Variants in CHSY1 observed in about 807,000 individuals in gnomAD.
CHSY1 encodes the protein N-acetylgalactosaminyl-proteoglycan 3-beta-glucuronosyltransferase 1.
A neutral mutation model predicts 59.8 loss-of-function variants in CHSY1; 13 were observed. The observed-to-expected ratio is 0.22, with a 90% CI of 0.14 to 0.35. CHSY1 has a LOEUF of 0.35. Among genes scored for constraint, CHSY1 ranks in the 10% least tolerant of loss-of-function variants. The pLI is 1.00. For synonymous variants in CHSY1, 459 were observed against 401.2 expected (o/e 1.14, Z -1.72); for missense variants, 947 against 1,030.6 (o/e 0.92, Z 1.11).
chr15:101,178,976 T>C lies in CHSY1; in HGVS notation c.821A>G (p.Gln274Arg). 1 of 1,614,000 alleles carries C rather than the reference T, an allele frequency of 6.2e-7. No homozygotes were observed. Among genetic ancestry groups the C allele is most frequent in the South Asian group, 1.1e-5 (1 of 91,086 alleles). The change falls in exon 3 of 3, where the codon CAG becomes CGG. Residue 274 changes from glutamine (Q) to arginine (R), a missense_variant. Physicochemically the swap from Gln to Arg is conservative, Grantham distance 43 (BLOSUM62 1). Coordinates refer to ENST00000254190, the MANE Select transcript of CHSY1 (RefSeq NM_014918.5). ...CTCGTAATTCTCATAAAAAAGCTGC[T>C]GCATCTGTTACAGGAAAAAAAAGAG... ...GVQCVWSYEMQQLFYENYEQN... is the reference protein window; with the variant it reads ...GVQCVWSYEMRQLFYENYEQN...
chr15:101,250,935 C>G lies in CHSY1; in HGVS notation c.320+202G>C, dbSNP rs1368793925. Among the ~76,000 whole-genome samples the G allele has an allele frequency of 2.6e-5, 4 of 152,228 alleles. No individual in the cohort carries two copies. In the East Asian group the frequency reaches 7.7e-4, roughly 29 times the overall value. On this transcript the variant is annotated intron_variant, in intron 1 of 2. Transcript: ENST00000254190. ...CACTAGTCCATCTGACCCCAAAGGC[C>G]ATGTTCCTGAGCGCCGCGCTCACCA...
intron 1 of CHSY1, among the ~76,000 whole-genome samples, chr15:101,243,319 A>T (rs2039020374): frequency 6.6e-6 from 1 of 152,216 alleles, no homozygotes; most frequent in South Asian, 2.1e-4. Context: ...CTCCTTTCAT[A>T]ATTTGCATAT....
At chr15:101,236,296 C>A (rs1022458013) in intron 1 of CHSY1, among the ~76,000 whole-genome samples, 1 of 152,158 alleles carries the variant, frequency 6.6e-6, no homozygotes, top group Non-Finnish European at 1.5e-5. Context: ...CCCACAGTTC[C>A]CACATGTTGC....
At chr15:101,203,701 A>G (rs1316505265) in intron 2 of CHSY1, among the ~76,000 whole-genome samples, 1 of 152,218 alleles carries the variant, frequency 6.6e-6, no homozygotes, top group Admixed American at 6.5e-5. Context: ...ATACACCGAA[A>G]TCATGTGCTC....
At chr15:101,222,408 C>G (rs1346023164) in intron 2 of CHSY1, among the ~76,000 whole-genome samples, 1 of 152,204 alleles carries the variant, frequency 6.6e-6, no homozygotes, top group Non-Finnish European at 1.5e-5. Flanking sequence ...CACAGCTTCA[C>G]CCCGCTTCTT....
intron 2 of CHSY1, among the ~76,000 whole-genome samples, chr15:101,226,258 T>C (rs1401908253): frequency 6.6e-6 from 1 of 152,184 alleles, no homozygotes; most frequent in East Asian, 1.9e-4. Flanking sequence ...TACTTGAGGA[T>C]AGTTTCCGGT....
Position 101,176,564 on chromosome 15 carries a change from T to C in CHSY1, c.*824A>G, listed in dbSNP as rs1445249434. The C allele has an allele frequency of 2.5e-6, 1 of 396,242 alleles. No individual in the cohort carries two copies. The highest frequency in any genetic ancestry group is 3.6e-5 in the East Asian group (1 of 27,966). 24.5% of individuals were successfully genotyped at this position (396,242 alleles called of 1,614,324 possible). ...AACAGCCACATACCTCACTGTGCCT[T>C]CTTCACGCCCCTTGCTTTAAAACCT... On this transcript the variant is annotated 3_prime_UTR_variant, in exon 3 of 3. Coordinates refer to ENST00000254190, the MANE Select transcript of CHSY1 (RefSeq NM_014918.5).
intron 2 of CHSY1, among the ~76,000 whole-genome samples, chr15:101,193,663 T>C (rs986289763): frequency 6.6e-6 from 1 of 152,246 alleles, no homozygotes; most frequent in Non-Finnish European, 1.5e-5. Context: ...TGACCAAGTA[T>C]GTTTACTCCA....
At position 101,177,450 on chromosome 15, in the gene CHSY1, C is replaced by T. The variant is rs752860490; in HGVS notation, c.2347G>A (p.Glu783Lys). The T allele has an allele frequency of 1.2e-6, 2 of 1,611,450 alleles. No individual in the cohort carries two copies. The highest frequency in any genetic ancestry group is 2.7e-5 in the African/African-American group (2 of 74,774). The part of the protein sequence containing the change: ...STQQLAEMWL[E>K]KNDPSYSKSS... ...TTACTGTAACTTGGATCATTTTTTT[C>T]CAGCCACATCTCAGCCAGCTGCTGG... The change falls in exon 3 of 3, where the codon GAA becomes AAA. Residue 783 changes from glutamate (E) to lysine (K), a missense_variant. This residue lies in a region of CHSY1 where 602 missense variants were observed against 676.9 expected (regional missense o/e 0.89). Coordinates refer to ENST00000254190, the MANE Select transcript of CHSY1 (RefSeq NM_014918.5).
At chr15:101,231,468 GC>G (rs2038891971) in intron 2 of CHSY1, among the ~76,000 whole-genome samples, 1 of 152,204 alleles carries the variant, frequency 6.6e-6, no homozygotes, top group East Asian at 1.9e-4. Context: ...ATTCCTATAA[GC>G]CCTTTGCACT....
intron 1 of CHSY1, among the ~76,000 whole-genome samples, chr15:101,249,465 C>T (rs1596458172): frequency 6.8e-6 from 1 of 147,346 alleles, no homozygotes; most frequent in East Asian, 2.0e-4. Context: ...GTTCCCAAAT[C>T]ACTGCACTAG....
At chr15:101,200,927 T>G (rs1266291688) in intron 2 of CHSY1, among the ~76,000 whole-genome samples, 1 of 152,124 alleles carries the variant, frequency 6.6e-6, no homozygotes. Flanking sequence ...CACAGTTCTG[T>G]GGATGAGGCA....
intron 2 of CHSY1, among the ~76,000 whole-genome samples, chr15:101,213,551 A>C (rs1029289576): frequency 2.0e-5 from 3 of 152,240 alleles, no homozygotes; most frequent in African/African-American, 7.2e-5. Context: ...ATTTAAAATA[A>C]GGAAATGTGC....
At chr15:101,237,715 C>G (rs866882935) in intron 1 of CHSY1, among the ~76,000 whole-genome samples, 19 of 152,348 alleles carry the variant, frequency 1.2e-4, no homozygotes, top group African/African-American at 4.3e-4. Context: ...TCATATCGCA[C>G]TTTCCCTCCT....
intron 2 of CHSY1, among the ~76,000 whole-genome samples, chr15:101,213,440 C>T (rs2038702242): frequency 6.6e-6 from 1 of 152,080 alleles, no homozygotes; most frequent in Non-Finnish European, 1.5e-5. Flanking sequence ...TTAGAAGAGG[C>T]TGACCAATGG....
chr15:101,188,335 G>A (rs2038397391), intron 2 of CHSY1: 1 of 264,542 alleles, frequency 3.8e-6, no homozygotes, highest in Non-Finnish European at 5.8e-6. Flanking sequence ...TTCCAGGTAG[G>A]CTCCACGGGT....
intron 2 of CHSY1, among the ~76,000 whole-genome samples, chr15:101,225,980 T>C (rs1006282260): frequency 3.9e-5 from 6 of 152,300 alleles, no homozygotes; most frequent in African/African-American, 1.4e-4. Context: ...ATATACCCAA[T>C]GGTGGAACCA....
intron 2 of CHSY1, among the ~76,000 whole-genome samples, chr15:101,213,413 G>C (rs892569326): frequency 6.6e-6 from 1 of 151,728 alleles, no homozygotes; most frequent in Non-Finnish European, 1.5e-5. Flanking sequence ...AAAAAGCATC[G>C]AAACTGGAAA....
intron 1 of CHSY1, among the ~76,000 whole-genome samples, chr15:101,250,726 G>C (rs2039098838): frequency 6.6e-6 from 1 of 152,190 alleles, no homozygotes; most frequent in African/African-American, 2.4e-5. Flanking sequence ...GCTTTGCAAG[G>C]ACAAAGGTGC....
Sources: gnomAD v4.1 joint callset for allele counts (sites outside exome capture counted in the v4.1 genomes callset) on GRCh38, gnomAD v4.1.1 for gene constraint, gnomAD v4.1.1 regional missense constraint, MANE v1.5 for transcripts, NCBI Gene and HGNC (gene_info 2026-07-23, HGNC 2026-07-21) for gene names.